The following B4GALT6 variants were observed in gnomAD, a reference collection of about 807,000 sequenced individuals.
B4GALT6 encodes the protein beta-1,4-galactosyltransferase 6, also known as UDP-Gal:beta-GlcNAc beta-1,4-galactosyltransferase 6.
In B4GALT6, 14 loss-of-function variants were observed where a neutral mutation model predicts 46.3. The observed-to-expected ratio is 0.30, with a 90% CI of 0.20 to 0.47. The LOEUF (loss-of-function observed/expected upper bound fraction) is 0.47. Among genes scored for constraint, B4GALT6 ranks in the 20% least tolerant of loss-of-function variants. B4GALT6 has a pLI of 0.99. For missense variants in B4GALT6, 386 were observed against 480.1 expected, an observed-to-expected ratio of 0.80 and a Z score of 1.83; for synonymous variants, 168 against 162.0, an observed-to-expected ratio of 1.04 and a Z score of -0.28.
the B4GALT6 span, among the ~76,000 whole-genome samples, chr18:31,703,406 A>G: frequency 6.6e-6 from 1 of 152,172 alleles, no homozygotes; most frequent in African/African-American, 2.4e-5. Flanking sequence ...AGAAAAGCCA[A>G]CCACATCTAC....
intron 1 of B4GALT6, among the ~76,000 whole-genome samples, chr18:31,671,580 T>A (rs543292166): frequency 6.6e-6 from 1 of 152,364 alleles, no homozygotes; most frequent in South Asian, 2.1e-4. Flanking sequence ...CTTCGCCTAT[T>A]TTTTGATGGG....
intron 4 of B4GALT6, 149 bp from the exon 5 acceptor site, chr18:31,638,909 GC>G: frequency 4.6e-6 from 3 of 657,138 alleles, no homozygotes; most frequent in African/African-American, 1.8e-5. Flanking sequence ...AAGCAAACAC[GC>G]AAAAAGCCCT....
chr18:31,628,619 T>TA lies in B4GALT6; in HGVS notation c.777-1499dup, dbSNP rs531503653. Among the ~76,000 whole-genome samples, 69 of 152,326 alleles carry TA rather than the reference T, an allele frequency of 4.5e-4. No individual in the cohort carries two copies. In the South Asian group the frequency reaches 0.01, roughly 22 times the overall value. On this transcript the variant is annotated intron_variant, in intron 6 of 8. Coordinates refer to ENST00000306851, the MANE Select transcript of B4GALT6 (RefSeq NM_004775.5). ...TACACTGTAAAAGTGGGAGAGACAC[T>TA]ACACCTGAGAGTCTGAGTTCTCTGG... is the stretch of plus-strand genomic sequence containing the variant.
At chr18:31,699,636 GAAAAAA>G in the B4GALT6 span, among the ~76,000 whole-genome samples, 1 of 104,148 alleles carries the variant, frequency 9.6e-6, no homozygotes, top group African/African-American at 3.6e-5. Flanking sequence ...TCTCTTCCTG[GAAAAAA>G]AAAAAAAAAA....
At chr18:31,648,977 G>T (rs1459167627) in intron 3 of B4GALT6, among the ~76,000 whole-genome samples, 1 of 152,166 alleles carries the variant, frequency 6.6e-6, no homozygotes, top group Non-Finnish European at 1.5e-5. Context: ...ACAGCTCAAA[G>T]AGCTGATGAC....
the B4GALT6 span, among the ~76,000 whole-genome samples, chr18:31,716,014 TA>T: frequency 3.3e-5 from 5 of 152,138 alleles, no homozygotes; most frequent in Non-Finnish European, 5.9e-5. Context: ...CTTAGATACT[TA>T]AAATTTTCAG....
intron 5 of B4GALT6, among the ~76,000 whole-genome samples, chr18:31,637,941 A>G (rs1407965091): frequency 4.1e-5 from 6 of 145,758 alleles, no homozygotes; most frequent in Admixed American, 4.0e-4. Context: ...TTTCTCAATT[A>G]AATGAAACTT....
chr18:31,715,333 C>T, the B4GALT6 span, among the ~76,000 whole-genome samples: 1 of 152,224 alleles, frequency 6.6e-6, no homozygotes, highest in East Asian at 1.9e-4. Context: ...TCAAATGATC[C>T]TCCTGCCTCA....
At chr18:31,697,605 TTTAAAG>T in the B4GALT6 span, among the ~76,000 whole-genome samples, 3 of 152,348 alleles carry the variant, frequency 2.0e-5, no homozygotes, top group South Asian at 2.1e-4. Flanking sequence ...TCATCCTTGC[TTTAAAG>T]TTAAACTACA....
At chr18:31,711,766 T>C in the B4GALT6 span, among the ~76,000 whole-genome samples, 1 of 152,234 alleles carries the variant, frequency 6.6e-6, no homozygotes, top group African/African-American at 2.4e-5. Flanking sequence ...CCCATCTTCT[T>C]TCACTATTTT....
upstream of B4GALT6, among the ~76,000 whole-genome samples, chr18:31,689,788 T>G (rs1300035195): frequency 6.6e-6 from 1 of 151,998 alleles, no homozygotes; most frequent in Non-Finnish European, 1.5e-5. Context: ...GCTGTGTGGG[T>G]CCCAGGCAGC....
In B4GALT6 at chr18:31,684,458, G is replaced by A. The variant is rs947384055; in HGVS notation, c.-32C>T. On this transcript the variant is annotated 5_prime_UTR_variant, in exon 1 of 9. Transcript: ENST00000306851. ...CTTCCCTGCCAGCAGCCCAGGCTGC[G>A]CTCTCAGGCCGGACTCGGGGCCACT... 1.9e-6 allele frequency: 3 copies of A among 1,607,632 alleles called. No homozygotes were observed. The highest frequency in any genetic ancestry group is 2.7e-5 in the African/African-American group (2 of 74,754).
chr18:31,700,435 T>TGTGTGTG, the B4GALT6 span, among the ~76,000 whole-genome samples: 35 of 139,580 alleles, frequency 2.5e-4, no homozygotes, highest in South Asian at 1.4e-3. Context: ...AATTGACTAT[T>TGTGTGTG]TGTGTGTGTG....
rs375482996 is a variant in B4GALT6 at position 31,629,720 on chromosome 18, G to A, written c.776+1239C>T. On this transcript the variant is annotated intron_variant, in intron 6 of 8. Transcript: ENST00000306851. Reference sequence around the variant, plus strand: ...AAAAAATTAGCCAGGCGTGGTGGCAGGCGCCTGTAGTCCCAGCTACTCGGG... The same window carrying A: ...AAAAAATTAGCCAGGCGTGGTGGCAAGCGCCTGTAGTCCCAGCTACTCGGG... Among the ~76,000 whole-genome samples, 9 of 150,498 alleles carry A rather than the reference G, an allele frequency of 6.0e-5. No homozygotes were observed. In the East Asian group the frequency reaches 1.2e-3, roughly 20 times the overall value.
intron 2 of B4GALT6, 47 bp downstream of exon 2, chr18:31,666,209 G>A: frequency 8.8e-7 from 1 of 1,138,254 alleles, no homozygotes; most frequent in East Asian, 2.5e-5. Context: ...AAAAGATTTG[G>A]TTTACTGCTT....
intron 5 of B4GALT6, among the ~76,000 whole-genome samples, chr18:31,637,495 C>A (rs2073874489): frequency 7.5e-6 from 1 of 133,240 alleles, no homozygotes; most frequent in Non-Finnish European, 1.6e-5. Flanking sequence ...GGTTCCTCTA[C>A]CAAGAAAGAT....
chr18:31,700,468 T>TGTGTGTGTGTGTGTGTGTGTGA, the B4GALT6 span, among the ~76,000 whole-genome samples: 2 of 148,280 alleles, frequency 1.3e-5, no homozygotes, highest in African/African-American at 5.1e-5. Context: ...TGTGTGTGTG[T>TGTGTGTGTGTGTGTGTGTGTGA]GAGAGAGAGA....
intron 4 of B4GALT6, among the ~76,000 whole-genome samples, chr18:31,639,671 C>T (rs2073905765): frequency 6.6e-6 from 1 of 152,028 alleles, no homozygotes; most frequent in Non-Finnish European, 1.5e-5. Flanking sequence ...CTTTATCAAC[C>T]AGAGAAATTT....
the B4GALT6 span, among the ~76,000 whole-genome samples, chr18:31,714,562 C>T: frequency 6.6e-6 from 1 of 152,162 alleles, no homozygotes; most frequent in Non-Finnish European, 1.5e-5. Context: ...GTCAGGCCAC[C>T]ACCCTCCCCT....
Sources: allele counts gnomAD v4.1 joint callset (sites outside exome capture counted in the v4.1 genomes callset), GRCh38; gene constraint gnomAD v4.1.1; transcripts MANE v1.5; gene names NCBI Gene and HGNC (gene_info 2026-07-23, HGNC 2026-07-21).